Variants in MINDY3 observed in about 807,000 individuals in gnomAD.
MINDY3 encodes ubiquitin carboxyl-terminal hydrolase MINDY-3.
MINDY3 carries 38 observed loss-of-function variants against 69.2 expected under a neutral mutation model. That is an observed-to-expected ratio of 0.55 (90% CI 0.42 to 0.72). The LOEUF (loss-of-function observed/expected upper bound fraction) is 0.72. Ranked by LOEUF, MINDY3 falls within the 30% of genes least tolerant of loss-of-function variation. The pLI is 0.00. For missense variants in MINDY3, 522 were observed against 519.0 expected (o/e 1.01, Z -0.06); for synonymous variants, 192 against 180.1 (o/e 1.07, Z -0.53).
intron 1 of MINDY3, among the ~76,000 whole-genome samples, chr10:15,851,685 C>T (rs1466131661): frequency 1.3e-5 from 2 of 152,048 alleles, no homozygotes; most frequent in African/African-American, 4.8e-5. Context: ...TGTTGAGTTT[C>T]CAACCACGTC....
intron 11 of MINDY3, among the ~76,000 whole-genome samples, chr10:15,793,926 T>A (rs1588523357): frequency 6.6e-6 from 1 of 152,108 alleles, no homozygotes; most frequent in East Asian, 1.9e-4. Flanking sequence ...TTGTTTACAC[T>A]ATGGAAGATG....
intron 3 of MINDY3, among the ~76,000 whole-genome samples, chr10:15,842,452 A>G (rs1197566904): frequency 1.3e-5 from 2 of 151,874 alleles, no homozygotes; most frequent in Admixed American, 6.6e-5. Flanking sequence ...CAAAAATAGT[A>G]TCTCAAATAG....
chr10:15,818,440 C>T (rs747428000), intron 9 of MINDY3, among the ~76,000 whole-genome samples: 2 of 151,754 alleles, frequency 1.3e-5, no homozygotes, highest in Non-Finnish European at 2.9e-5. Flanking sequence ...CTTTGGACAA[C>T]AGTTTGACAC....
chr10:15,802,786 T>TA (rs1838355362), intron 10 of MINDY3, among the ~76,000 whole-genome samples: 1 of 151,962 alleles, frequency 6.6e-6, no homozygotes, highest in Admixed American at 6.6e-5. Context: ...TCATTACTAA[T>TA]ACAACAAACT....
intron 10 of MINDY3, among the ~76,000 whole-genome samples, chr10:15,815,790 T>C (rs1417803471): frequency 1.3e-5 from 2 of 152,156 alleles, no homozygotes; most frequent in African/African-American, 2.4e-5. Flanking sequence ...GGTACTATTA[T>C]GAATCCCTAT....
At chr10:15,803,990 A>G (rs80230738) in intron 10 of MINDY3, among the ~76,000 whole-genome samples, 2,163 of 152,182 alleles carry the variant, frequency 0.014, 48 homozygotes, top group African/African-American at 0.049. Context: ...CTCAGTAGGA[A>G]GAGATCCTAC....
chr10:15,805,465 A>G (rs188292246), intron 10 of MINDY3, among the ~76,000 whole-genome samples: 1 of 152,276 alleles, frequency 6.6e-6, no homozygotes, highest in East Asian at 1.9e-4. Flanking sequence ...TTTCAAAGTT[A>G]GGACTCTTTG....
At chr10:15,787,570 C>G (rs1349769957) in intron 12 of MINDY3, among the ~76,000 whole-genome samples, 4 of 152,074 alleles carry the variant, frequency 2.6e-5, no homozygotes, top group Non-Finnish European at 5.9e-5. Flanking sequence ...GTGTGCCTTT[C>G]ACAAAAGGAG....
At chr10:15,834,898 G>A (rs961864311) in intron 6 of MINDY3, among the ~76,000 whole-genome samples, 14 of 152,012 alleles carry the variant, frequency 9.2e-5, no homozygotes, top group Non-Finnish European at 1.8e-4. Context: ...CTTTTAATAG[G>A]AGAAAGGAGA....
intron 13 of MINDY3, among the ~76,000 whole-genome samples, chr10:15,782,876 T>A (rs1222069466): frequency 6.6e-6 from 1 of 152,162 alleles, no homozygotes; most frequent in Non-Finnish European, 1.5e-5. Context: ...ATTCCCACTA[T>A]CTTAACCTTG....
At chr10:15,811,934 ATTT>A (rs1012239809) in intron 10 of MINDY3, among the ~76,000 whole-genome samples, 2 of 151,846 alleles carry the variant, frequency 1.3e-5, no homozygotes, top group African/African-American at 4.8e-5. Flanking sequence ...CATTTTTTAA[ATTT>A]TTTTATTATT....
chr10:15,782,199 C>T lies in MINDY3; in HGVS notation c.1144G>A (p.Val382Ile), dbSNP rs771783690. The T allele has an allele frequency of 9.3e-6, 15 of 1,609,876 alleles. No homozygotes were observed. The East Asian group carries it at 3.3e-4, about 36-fold the overall frequency. Residue 382 changes from valine to isoleucine, a missense_variant, in exon 14 of 15, where the codon GTC (valine) becomes ATC (isoleucine). Physicochemically the swap from Val to Ile is conservative, Grantham distance 29. Coordinates refer to ENST00000277632, the MANE Select transcript of MINDY3 (RefSeq NM_024948.4). ...TGCTTCAATCCATTGTAGTGGTAGA[C>T]AGTAAAAGATTCTGGACCACTGGAG... ...QGSSGPESFT[V>I]YHYNGLKQSN...
At chr10:15,842,353 C>T (rs1833531290) in intron 3 of MINDY3, among the ~76,000 whole-genome samples, 1 of 151,914 alleles carries the variant, frequency 6.6e-6, no homozygotes, top group South Asian at 2.1e-4. Flanking sequence ...ATTTATGACA[C>T]TTATGACAAT....
intron 6 of MINDY3, among the ~76,000 whole-genome samples, chr10:15,834,823 T>G (rs892070087): frequency 4.6e-5 from 7 of 152,202 alleles, no homozygotes; most frequent in Admixed American, 1.3e-4. Context: ...TCATGGGCTC[T>G]ATATAAACAA....
At chr10:15,800,821 G>A (rs765616117) in intron 10 of MINDY3, among the ~76,000 whole-genome samples, 18 of 152,072 alleles carry the variant, frequency 1.2e-4, no homozygotes, top group Admixed American at 7.2e-4. Flanking sequence ...CAAACCTTCC[G>A]CTTTTTGCAA....
intron 10 of MINDY3, among the ~76,000 whole-genome samples, chr10:15,814,605 T>C (rs1445160126): frequency 6.6e-6 from 1 of 152,050 alleles, no homozygotes; most frequent in East Asian, 1.9e-4. Flanking sequence ...TCCATGTCTC[T>C]AATTCAACAC....
chr10:15,837,037 G>A (rs1418399359), intron 6 of MINDY3, among the ~76,000 whole-genome samples, 167 bp downstream of exon 6: 1 of 151,928 alleles, frequency 6.6e-6, no homozygotes, highest in Admixed American at 6.6e-5. Flanking sequence ...AACTGCTTAA[G>A]CAACGAGTGA....
intron 11 of MINDY3, among the ~76,000 whole-genome samples, chr10:15,791,778 T>C (rs371634523): frequency 6.6e-6 from 1 of 152,150 alleles, no homozygotes; most frequent in African/African-American, 2.4e-5. Context: ...GCATGTAATT[T>C]CCTGGATAAG....
At chr10:15,852,396 A>G (rs1488650771) in intron 1 of MINDY3, among the ~76,000 whole-genome samples, 1 of 152,196 alleles carries the variant, frequency 6.6e-6, no homozygotes, top group Non-Finnish European at 1.5e-5. Flanking sequence ...AGTTCAGGGC[A>G]GGACTTAGGA....
Sources: allele counts gnomAD v4.1 joint callset (sites outside exome capture counted in the v4.1 genomes callset), GRCh38; gene constraint gnomAD v4.1.1; transcripts MANE v1.5; gene names NCBI Gene and HGNC (gene_info 2026-07-23, HGNC 2026-07-21).